Variants in CERS6 observed in about 807,000 individuals in gnomAD.
The protein encoded by CERS6 is LAG1 homolog, ceramide synthase 6.
Under a neutral mutation model 56.8 loss-of-function variants are expected in CERS6, and 26 were observed. That is an observed-to-expected ratio of 0.46 (90% CI 0.34 to 0.63). The LOEUF is 0.63. Ranked by LOEUF, CERS6 falls within the 30% of genes least tolerant of loss-of-function variation. The pLI, the probability that CERS6 is intolerant of heterozygous loss-of-function variation, is 0.01. For missense variants in CERS6, 415 were observed against 467.5 expected (o/e 0.89, Z 1.04); for synonymous variants, 164 against 173.3 (o/e 0.95, Z 0.42).
At chr2:168,706,265 A>G (rs1034919123) in intron 6 of CERS6, among the ~76,000 whole-genome samples, 1 of 152,222 alleles carries the variant, frequency 6.6e-6, no homozygotes, top group African/African-American at 2.4e-5. Context: ...CAACAGCACT[A>G]TCTTACTGTT....
At chr2:168,683,152 G>A (rs889368440) in intron 4 of CERS6, among the ~76,000 whole-genome samples, 2 of 152,090 alleles carry the variant, frequency 1.3e-5, no homozygotes, top group Non-Finnish European at 2.9e-5. Flanking sequence ...TACAATAAAT[G>A]CTGGGTCAAA....
intron 1 of CERS6, among the ~76,000 whole-genome samples, chr2:168,526,003 G>T (rs1256153735): frequency 6.6e-6 from 1 of 152,160 alleles, no homozygotes; most frequent in Non-Finnish European, 1.5e-5. Context: ...ATACCATTAT[G>T]TCCACTCAGT....
At chr2:168,488,311 G>A (rs1262577463) in intron 1 of CERS6, among the ~76,000 whole-genome samples, 1 of 152,020 alleles carries the variant, frequency 6.6e-6, no homozygotes, top group Non-Finnish European at 1.5e-5. Context: ...TAGCATAGAG[G>A]AATGAAAAAT....
At chr2:168,685,426 T>C (rs989379906) in intron 4 of CERS6, among the ~76,000 whole-genome samples, 3 of 152,196 alleles carry the variant, frequency 2.0e-5, no homozygotes, top group Non-Finnish European at 2.9e-5. Context: ...TAATCAGATA[T>C]CCTTTTCTCT....
At chr2:168,559,754 T>TATATATATATATATATATATATA (rs56014027) in intron 2 of CERS6, among the ~76,000 whole-genome samples, 137 of 123,824 alleles carry the variant, frequency 1.1e-3, no homozygotes, top group East Asian at 2.1e-3. Flanking sequence ...TATATATATA[T>TATATATATATATATATATATATA]TTCACCCTTA....
At chr2:168,486,557 G>C (rs1018525525) in intron 1 of CERS6, among the ~76,000 whole-genome samples, 2 of 124,434 alleles carry the variant, frequency 1.6e-5, no homozygotes, top group African/African-American at 5.8e-5. Flanking sequence ...CTGTTTAATT[G>C]TTCCGGAACC....
At chr2:168,556,512 C>T (rs1282465029) in intron 2 of CERS6, among the ~76,000 whole-genome samples, 1 of 152,038 alleles carries the variant, frequency 6.6e-6, no homozygotes, top group Admixed American at 6.6e-5. Flanking sequence ...CTTTCTATAT[C>T]TATATTTCTG....
At chr2:168,686,582 G>A (rs957838200) in intron 4 of CERS6, among the ~76,000 whole-genome samples, 2 of 152,050 alleles carry the variant, frequency 1.3e-5, no homozygotes, top group African/African-American at 2.4e-5. Flanking sequence ...AGGATTTGGA[G>A]GTCCTTTCTA....
At chr2:168,483,999 A>G (rs1165648240) in intron 1 of CERS6, among the ~76,000 whole-genome samples, 3 of 152,172 alleles carry the variant, frequency 2.0e-5, no homozygotes, top group African/African-American at 7.2e-5. Context: ...AACTACTGGT[A>G]TAGAATATCT....
At position 168,771,081 on chromosome 2, in the gene CERS6, T is replaced by G. The variant is rs900858895; in HGVS notation, c.*1419T>G. ...GAAAAAGGGATTATAAAACCCTTCATAAATCAAGAAGGCCATCACTTAGAA... is the reference window on the plus strand; with the variant it reads ...GAAAAAGGGATTATAAAACCCTTCAGAAATCAAGAAGGCCATCACTTAGAA... On this transcript the variant is annotated 3_prime_UTR_variant, in exon 10 of 10. Coordinates refer to ENST00000305747, the MANE Select transcript of CERS6 (RefSeq NM_203463.3). 8 of 152,170 alleles carry G rather than the reference T, an allele frequency of 5.3e-5. No individual in the cohort carries two copies. Among genetic ancestry groups the G allele is most frequent in the Non-Finnish European group, 8.8e-5 (6 of 68,028 alleles). 9.4% of individuals were successfully genotyped at this position (152,170 alleles called of 1,614,324 possible).
chr2:168,580,003 A>G (rs565651381), intron 3 of CERS6, among the ~76,000 whole-genome samples: 1 of 152,282 alleles, frequency 6.6e-6, no homozygotes, highest in East Asian at 1.9e-4. Flanking sequence ...AATATACTCT[A>G]TGCCAACTTC....
intron 8 of CERS6, among the ~76,000 whole-genome samples, chr2:168,746,817 ATAT>A (rs1559078576): frequency 1.9e-5 from 2 of 107,142 alleles, no homozygotes; most frequent in African/African-American, 7.5e-5. Context: ...ATATATATAT[ATAT>A]AAAATCATCT....
rs143383779 is a variant in CERS6, at chr2:168,658,542, G to A, written c.465+27500G>A. On this transcript the variant is annotated intron_variant, in intron 4 of 9. Coordinates refer to ENST00000305747, the MANE Select transcript of CERS6 (RefSeq NM_203463.3). Reference sequence around the variant, plus strand: ...TGGGAGTCTGCACCTAGCCAGCAAAGACCATAGTCATCCCCAGCGTCAGGC... The same window carrying A: ...TGGGAGTCTGCACCTAGCCAGCAAAAACCATAGTCATCCCCAGCGTCAGGC... Among the ~76,000 whole-genome samples, 25 of 152,324 alleles carry A rather than the reference G, an allele frequency of 1.6e-4. No homozygotes were observed. The East Asian group carries it at 4.8e-3, about 29-fold the overall frequency.
rs1693935382 is a variant in CERS6, at chr2:168,469,249, T to G, written c.170+12631T>G. 2.0e-5 allele frequency among the ~76,000 whole-genome samples: 3 copies of G among 152,216 alleles called. 1 individual carries two copies. The South Asian group carries it at 6.2e-4, about 32-fold the overall frequency. On this transcript the variant is annotated intron_variant, in intron 1 of 9. Coordinates refer to ENST00000305747, the MANE Select transcript of CERS6 (RefSeq NM_203463.3). ...ATTCAGAAGGAATTTGCACCTGCTT[T>G]CAACTATAGGCACTTTTCCAGCTCT...
At chr2:168,556,102 A>G (rs1695674576) in intron 2 of CERS6, among the ~76,000 whole-genome samples, 1 of 152,120 alleles carries the variant, frequency 6.6e-6, no homozygotes, top group Admixed American at 6.5e-5. Context: ...TTAACAGGAG[A>G]TAATTCTCTT....
chr2:168,534,709 G>T (rs949852001), intron 1 of CERS6, among the ~76,000 whole-genome samples: 1 of 152,172 alleles, frequency 6.6e-6, no homozygotes, highest in African/African-American at 2.4e-5. Flanking sequence ...CCTGTTGGGT[G>T]GCATGGGGAA....
At chr2:168,579,943 C>A (rs549604434) in intron 3 of CERS6, among the ~76,000 whole-genome samples, 1 of 152,170 alleles carries the variant, frequency 6.6e-6, no homozygotes, top group Non-Finnish European at 1.5e-5. Flanking sequence ...CCTAGTGCCC[C>A]CCAATCCATA....
At chr2:168,604,390 C>CGT (rs57929934) in intron 3 of CERS6, among the ~76,000 whole-genome samples, 23 of 150,590 alleles carry the variant, frequency 1.5e-4, no homozygotes, top group African/African-American at 3.4e-4. Context: ...CAGTTGTATA[C>CGT]GTGTGTGTGT....
intron 2 of CERS6, among the ~76,000 whole-genome samples, chr2:168,557,575 G>A (rs1374668448): frequency 6.6e-6 from 1 of 152,112 alleles, no homozygotes; most frequent in Non-Finnish European, 1.5e-5. Flanking sequence ...TATATGAGTA[G>A]CCATCTGGAA....
Sources: allele counts gnomAD v4.1 joint callset (sites outside exome capture counted in the v4.1 genomes callset), GRCh38; gene constraint gnomAD v4.1.1; transcripts MANE v1.5; gene names NCBI Gene and HGNC (gene_info 2026-07-23, HGNC 2026-07-21).